Variants in KMT2C observed in about 807,000 individuals in gnomAD.
KMT2C encodes the protein histone-lysine N-methyltransferase 2C.
Under a neutral mutation model 507.9 loss-of-function variants are expected in KMT2C, and 88 were observed. That is an observed-to-expected ratio of 0.17 (90% CI 0.15 to 0.21). The LOEUF (loss-of-function observed/expected upper bound fraction) is 0.21, where lower values mean the gene tolerates loss of function less well. Among genes scored for constraint, KMT2C ranks in the 10% least tolerant of loss-of-function variants. The probability of loss-of-function intolerance (pLI) is 1.00; values close to 1 mark genes in which losing one functional copy is unlikely to be tolerated. For synonymous variants in KMT2C, 2,049 were observed against 2,080.8 expected (o/e 0.98, Z 0.42); for missense variants, 4,954 against 5,957.8 (o/e 0.83, Z 5.55).
intron 1 of KMT2C, among the ~76,000 whole-genome samples, chr7:152,414,707 G>A (rs1028009904): frequency 4.6e-5 from 7 of 151,892 alleles, no homozygotes; most frequent in Admixed American, 6.6e-5. Context: ...TGTTGGTCAG[G>A]CCGATCTCAA....
In KMT2C at chr7:152,367,940, C is replaced by T. The variant is rs2129239070; in HGVS notation, c.162-9265G>A. 4.2e-6 allele frequency: 4 copies of T among 957,452 alleles called. No homozygotes were observed. In the South Asian group the frequency reaches 5.3e-5, roughly 13 times the overall value. The allele number at this position is 957,452 out of a possible 1,614,324, so 59.3% of individuals were successfully genotyped here. Reference sequence around the variant, plus strand: ...TCATCCAACTTATTGCCAAAGCAGACACACTTATACCAGAGGAATGCCAAC... The same window carrying T: ...TCATCCAACTTATTGCCAAAGCAGATACACTTATACCAGAGGAATGCCAAC... On this transcript the variant is annotated intron_variant, in intron 1 of 58. Coordinates refer to ENST00000262189, the MANE Select transcript of KMT2C (RefSeq NM_170606.3).
chr7:152,310,138 T>G, intron 5 of KMT2C, 63 bp from the exon 6 acceptor site: 2 of 1,090,024 alleles, frequency 1.8e-6, no homozygotes, highest in Non-Finnish European at 2.7e-6. Flanking sequence ...AGCTAATAAA[T>G]AAAGACATAA....
intron 6 of KMT2C, among the ~76,000 whole-genome samples, chr7:152,305,835 G>A (rs2096611378): frequency 6.6e-6 from 1 of 151,968 alleles, no homozygotes; most frequent in Admixed American, 6.6e-5. Context: ...TATTTTCTCT[G>A]CACCAGTCCC....
In KMT2C at chr7:152,163,190, T is replaced by C; in HGVS notation, c.10387A>G (p.Met3463Val). The change falls in exon 43 of 59, where the codon ATG becomes GTG. Residue 3463 changes from methionine (M) to valine (V), a missense_variant. Met to Val is a conservative substitution (Grantham distance 21). Coordinates refer to ENST00000262189, the MANE Select transcript of KMT2C (RefSeq NM_170606.3). Reference protein sequence around the residue: ...FYSSDLPCDFMQPLGPLQQSP... With the variant: ...FYSSDLPCDFVQPLGPLQQSP... ...TGCTGAAGGGGTCCTAGAGGTTGCA[T>C]AAAATCACAAGGTAAGTCGGAACTG... is the stretch of plus-strand genomic sequence containing the variant. The C allele has an allele frequency of 6.2e-7, 1 of 1,614,158 alleles. No homozygotes were observed. The highest frequency in any genetic ancestry group is 8.5e-7 in the Non-Finnish European group (1 of 1,180,034).
chr7:152,319,247 A>T (rs1209663728), intron 3 of KMT2C, among the ~76,000 whole-genome samples: 1 of 152,212 alleles, frequency 6.6e-6, no homozygotes, highest in Non-Finnish European at 1.5e-5. Context: ...AGTTATATAG[A>T]TCATAGATAT....
chr7:152,251,797 C>T (rs956713159), intron 11 of KMT2C, 142 bp downstream of exon 11: 7 of 494,264 alleles, frequency 1.4e-5, no homozygotes, highest in Non-Finnish European at 2.0e-5. Flanking sequence ...ATAACAAATA[C>T]ATTTAAAGGT....
chr7:152,304,621 C>G (rs1255623718), intron 6 of KMT2C, among the ~76,000 whole-genome samples: 1 of 152,182 alleles, frequency 6.6e-6, no homozygotes, highest in Non-Finnish European at 1.5e-5. Flanking sequence ...CTTGAAGGGG[C>G]AGGTTAAGTG....
rs781349630 is a variant in KMT2C at position 152,220,717 on chromosome 7, G to A, written c.3518C>T (p.Thr1173Ile). 7 of 1,608,622 alleles carry A rather than the reference G, an allele frequency of 4.4e-6. No individual in the cohort carries two copies. Among genetic ancestry groups the A allele is most frequent in the Non-Finnish European group, 5.9e-6 (7 of 1,176,898 alleles). The change falls in exon 23 of 59, where the codon ACC becomes ATC. Residue 1173 changes from threonine to isoleucine, a missense_variant. This residue lies in a region of KMT2C where 176 missense variants were observed against 262.0 expected (regional missense o/e 0.67). Transcript: ENST00000262189. ...VKELDPPKTYTQDGVCLTESG... is the reference protein window; with the variant it reads ...VKELDPPKTYIQDGVCLTESG... ...TTCAGTCAAACACACACCATCCTGGGTATAAGTCTTGGGTGGGTCTAAAAT... is the reference window on the plus strand; with the variant it reads ...TTCAGTCAAACACACACCATCCTGGATATAAGTCTTGGGTGGGTCTAAAAT...
chr7:152,394,356 T>G (rs2097523960), intron 1 of KMT2C, among the ~76,000 whole-genome samples: 1 of 152,268 alleles, frequency 6.6e-6, no homozygotes, highest in Non-Finnish European at 1.5e-5. Context: ...CCACGCTACT[T>G]CTCTTATGAT....
intron 1 of KMT2C, among the ~76,000 whole-genome samples, chr7:152,408,814 T>TA (rs33915849): frequency 0.051 from 6,246 of 122,294 alleles, 291 homozygotes; most frequent in African/African-American, 0.13. Flanking sequence ...AAGGTTTTGT[T>TA]AAAAAAAAAA....
chr7:152,380,293 C>A (rs1272759626), intron 1 of KMT2C, among the ~76,000 whole-genome samples: 13 of 151,150 alleles, frequency 8.6e-5, no homozygotes, highest in Non-Finnish European at 1.5e-4. Context: ...CTAGGCTGGG[C>A]ACAGTGGCTC....
intron 2 of KMT2C, among the ~76,000 whole-genome samples, chr7:152,332,893 A>C (rs961222038): frequency 1.0e-5 from 1 of 99,856 alleles, no homozygotes; most frequent in Non-Finnish European, 2.0e-5. Context: ...CACACACACA[A>C]ATTATTCTCG....
chr7:152,219,913 G>A (rs2094712311), intron 23 of KMT2C: 1 of 152,542 alleles, frequency 6.6e-6, no homozygotes, highest in African/African-American at 2.4e-5. Context: ...TGAGGTAGGA[G>A]GGTCGCATGA....
intron 1 of KMT2C, among the ~76,000 whole-genome samples, chr7:152,389,889 T>G (rs892493831): frequency 9.2e-5 from 14 of 152,348 alleles, no homozygotes; most frequent in Admixed American, 2.6e-4. Context: ...AATCATGTCC[T>G]TCGCAGCAAC....
rs1195125465 is a variant in KMT2C at position 152,391,142 on chromosome 7, C to CAAAAAAAAAAAAA, written c.162-32480_162-32468dup. ...CTGGGCGACAGAGTGAGACTGTCTC[C>CAAAAAAAAAAAAA]AAAAAAAAAAAAAAAAAAAAAAAAA... On this transcript the variant is annotated intron_variant, in intron 1 of 58. Transcript: ENST00000262189. Among the ~76,000 whole-genome samples the CAAAAAAAAAAAAA allele has an allele frequency of 3.2e-4, 11 of 34,764 alleles. 2 individuals are homozygous for CAAAAAAAAAAAAA. Among genetic ancestry groups the CAAAAAAAAAAAAA allele is most frequent in the East Asian group, 3.1e-3 (2 of 644 alleles). 22.8% of individuals were successfully genotyped at this position (34,764 alleles called of 152,430 possible). A position where few individuals can be genotyped will look rare whatever the true frequency, so the allele number is the denominator to read the frequency against.
At chr7:152,397,982 CAATA>C (rs2097547253) in intron 1 of KMT2C, among the ~76,000 whole-genome samples, 1 of 152,158 alleles carries the variant, frequency 6.6e-6, no homozygotes. Flanking sequence ...TGAGTCTTCA[CAATA>C]AATCCTGCTC....
At position 152,135,696 on chromosome 7, in the gene KMT2C, T is replaced by G. The variant is rs2089820121; in HGVS notation, c.*1136A>C. 1 of 227,092 alleles carries G rather than the reference T, an allele frequency of 4.4e-6. No homozygotes were observed. The highest frequency in any genetic ancestry group is 8.8e-6 in the Non-Finnish European group (1 of 114,232). The allele number at this position is 227,092 out of a possible 1,614,324, so 14.1% of individuals were successfully genotyped here. ...ATTTGGGTGTATTTTTAAGCAGTTATTCACAGTTATCACAAATTGTAAGCA... is the reference window on the plus strand; with the variant it reads ...ATTTGGGTGTATTTTTAAGCAGTTAGTCACAGTTATCACAAATTGTAAGCA... On this transcript the variant is annotated 3_prime_UTR_variant, in exon 59 of 59. Transcript: ENST00000262189.
At chr7:152,173,997 T>C (rs916978774) in intron 39 of KMT2C, 134 bp downstream of exon 39, 3 of 519,578 alleles carry the variant, frequency 5.8e-6, no homozygotes, top group Non-Finnish European at 1.0e-5. Context: ...ATCGAGCTGA[T>C]GCCATGACAA....
At chr7:152,243,449 A>G in intron 14 of KMT2C, among the ~76,000 whole-genome samples, 1 of 152,208 alleles carries the variant, frequency 6.6e-6, no homozygotes, top group South Asian at 2.1e-4. Context: ...AGATATCAAA[A>G]TACAGTACCT....
Sources: gnomAD v4.1 joint callset for allele counts (sites outside exome capture counted in the v4.1 genomes callset) on GRCh38, gnomAD v4.1.1 for gene constraint, gnomAD v4.1.1 regional missense constraint, MANE v1.5 for transcripts, NCBI Gene and HGNC (gene_info 2026-07-23, HGNC 2026-07-21) for gene names.